Variants in ZDHHC20 observed in about 807,000 individuals in gnomAD.
ZDHHC20 encodes zDHHC palmitoyltransferase 20.
ZDHHC20 carries 43 observed loss-of-function variants against 57.8 expected under a neutral mutation model. The observed-to-expected ratio is 0.74, with a 90% confidence interval of 0.58 to 0.96. The LOEUF (loss-of-function observed/expected upper bound fraction) is 0.96. ZDHHC20 is among the 40% of genes least tolerant of loss of function. ZDHHC20 has a pLI of 0.00. For missense variants in ZDHHC20, 391 were observed against 441.1 expected (o/e 0.89, Z 1.02); for synonymous variants, 157 against 153.0 (o/e 1.03, Z -0.19).
chr13:21,425,720 A>AT, intron 1 of ZDHHC20, 42 bp from the exon 2 acceptor site: 1 of 1,011,712 alleles, frequency 9.9e-7, no homozygotes, highest in Non-Finnish European at 1.3e-6. Context: ...TACTTTAAAC[A>AT]TTTTGTATGT....
intron 9 of ZDHHC20, among the ~76,000 whole-genome samples, chr13:21,383,619 C>T (rs550868358): frequency 6.6e-6 from 1 of 152,260 alleles, no homozygotes; most frequent in African/African-American, 2.4e-5. Context: ...TATAGCACCC[C>T]AAGCATAGGT....
chr13:21,376,830 G>A (rs964948604), intron 12 of ZDHHC20, 175 bp from the exon 13 acceptor site: 2 of 383,794 alleles, frequency 5.2e-6, no homozygotes, highest in African/African-American at 4.2e-5. Flanking sequence ...TAAATGAGTG[G>A]GTATTACTGT....
At position 21,375,422 on chromosome 13, in the gene ZDHHC20, A is replaced by G. The variant is rs1593154987; in HGVS notation, c.*1274T>C. ...GACATTTCTACATTGTTTATTCTGTACTTTTCCTTGGAGTTAATGCAACAC... is the reference window on the plus strand; with the variant it reads ...GACATTTCTACATTGTTTATTCTGTGCTTTTCCTTGGAGTTAATGCAACAC... On this transcript the variant is annotated 3_prime_UTR_variant, in exon 13 of 13. Coordinates refer to ENST00000400590, the MANE Select transcript of ZDHHC20 (RefSeq NM_001330059.2). The G allele has an allele frequency of 1.4e-5, 4 of 280,918 alleles. No homozygotes were observed. Among genetic ancestry groups the G allele is most frequent in the Non-Finnish European group, 2.8e-5 (4 of 143,708 alleles). The allele number at this position is 280,918 out of a possible 1,614,324, so 17.4% of individuals were successfully genotyped here.
intron 6 of ZDHHC20, 65 bp downstream of exon 6, chr13:21,401,588 A>C (rs1418410323): frequency 1.4e-6 from 2 of 1,456,342 alleles, no homozygotes; most frequent in Non-Finnish European, 1.9e-6. Flanking sequence ...ATTTAGGAAT[A>C]CTGAAGTTAC....
intron 10 of ZDHHC20, among the ~76,000 whole-genome samples, chr13:21,382,365 GA>G (rs1873571956): frequency 6.6e-6 from 1 of 152,178 alleles, no homozygotes; most frequent in African/African-American, 2.4e-5. Context: ...TACGTGGACA[GA>G]AGTATCTCTA....
intron 9 of ZDHHC20, among the ~76,000 whole-genome samples, chr13:21,384,978 A>G (rs890245113): frequency 6.6e-6 from 1 of 152,246 alleles, no homozygotes; most frequent in Admixed American, 6.5e-5. Flanking sequence ...AAAAGTCAAT[A>G]GAAAAAAATC....
chr13:21,385,834 T>C (rs1874374755), intron 9 of ZDHHC20, among the ~76,000 whole-genome samples: 1 of 152,066 alleles, frequency 6.6e-6, no homozygotes, highest in Admixed American at 6.5e-5. Context: ...ATGATAAGGA[T>C]AAACTCTTAA....
At chr13:21,454,407 G>A (rs767749849) in intron 1 of ZDHHC20, among the ~76,000 whole-genome samples, 1 of 152,162 alleles carries the variant, frequency 6.6e-6, no homozygotes, top group Non-Finnish European at 1.5e-5. Flanking sequence ...GTACAGAGGT[G>A]AGCCACTGTG....
intron 2 of ZDHHC20, among the ~76,000 whole-genome samples, chr13:21,423,113 C>T (rs1880828347): frequency 6.6e-6 from 1 of 152,128 alleles, no homozygotes; most frequent in South Asian, 2.1e-4. Flanking sequence ...TGACAAAAAT[C>T]CAAGGTTCTT....
At chr13:21,394,847 C>CT (rs1376762484) in intron 7 of ZDHHC20, among the ~76,000 whole-genome samples, 3 of 152,142 alleles carry the variant, frequency 2.0e-5, no homozygotes. Context: ...GGGGTGTTCT[C>CT]TTCTAATATG....
intron 4 of ZDHHC20, among the ~76,000 whole-genome samples, chr13:21,410,849 C>A (rs1460694476): frequency 1.3e-5 from 2 of 152,180 alleles, no homozygotes; most frequent in African/African-American, 2.4e-5. Flanking sequence ...TAGCTTCAAC[C>A]CCCTTTCCAG....
chr13:21,443,061 G>C (rs1285961565), intron 1 of ZDHHC20, among the ~76,000 whole-genome samples: 1 of 152,234 alleles, frequency 6.6e-6, no homozygotes, highest in African/African-American at 2.4e-5. Context: ...ATGAAGTACA[G>C]TTTATTTGCT....
At chr13:21,390,352 C>G (rs1481986462) in intron 8 of ZDHHC20, 1 of 152,138 alleles carries the variant, frequency 6.6e-6, no homozygotes, top group African/African-American at 2.4e-5. Flanking sequence ...GCTCAGTGAG[C>G]AATGCCACCA....
At chr13:21,412,393 GA>G (rs1209523723) in intron 4 of ZDHHC20, among the ~76,000 whole-genome samples, 1 of 152,174 alleles carries the variant, frequency 6.6e-6, no homozygotes, top group Non-Finnish European at 1.5e-5. Context: ...AGTAACAGGT[GA>G]AAGGACAGTA....
At chr13:21,420,505 G>A (rs575459737) in intron 3 of ZDHHC20, among the ~76,000 whole-genome samples, 3 of 152,180 alleles carry the variant, frequency 2.0e-5, no homozygotes, top group Non-Finnish European at 4.4e-5. Context: ...GAAATTTTCG[G>A]TGAAGGAAGA....
At chr13:21,386,263 G>A (rs1394256390) in intron 9 of ZDHHC20, among the ~76,000 whole-genome samples, 1 of 152,130 alleles carries the variant, frequency 6.6e-6, no homozygotes, top group African/African-American at 2.4e-5. Context: ...ATGTGTAATT[G>A]GAGTCCTCAC....
At chr13:21,440,646 G>GTA (rs1227917139) in intron 1 of ZDHHC20, among the ~76,000 whole-genome samples, 3 of 107,982 alleles carry the variant, frequency 2.8e-5, no homozygotes, top group East Asian at 1.9e-4. Flanking sequence ...GTGTGTGTGT[G>GTA]TGTATATATA....
At chr13:21,449,891 C>T (rs1365874876) in intron 1 of ZDHHC20, among the ~76,000 whole-genome samples, 1 of 152,004 alleles carries the variant, frequency 6.6e-6, no homozygotes, top group Admixed American at 6.6e-5. Flanking sequence ...CTCGGCCTCC[C>T]AAAATGCTGG....
intron 1 of ZDHHC20, among the ~76,000 whole-genome samples, chr13:21,445,221 A>G (rs1160159469): frequency 6.6e-6 from 1 of 152,178 alleles, no homozygotes; most frequent in Admixed American, 6.5e-5. Flanking sequence ...CTTATAAATT[A>G]TTAAATATTT....
Sources: gnomAD v4.1 joint callset for allele counts (sites outside exome capture counted in the v4.1 genomes callset) on GRCh38, gnomAD v4.1.1 for gene constraint, MANE v1.5 for transcripts, NCBI Gene and HGNC (gene_info 2026-07-23, HGNC 2026-07-21) for gene names.